Variants in RNH1 observed in about 807,000 individuals in gnomAD.
RNH1 encodes ribonuclease inhibitor.
A neutral mutation model predicts 46.1 loss-of-function variants in RNH1; 38 were observed. The observed-to-expected ratio is 0.82, with a 90% CI of 0.64 to 1.08. The LOEUF is 1.08. Among genes scored for constraint, RNH1 ranks in the 50% least tolerant of loss-of-function variants. The probability of loss-of-function intolerance (pLI) is 0.00; values close to 1 mark genes in which losing one functional copy is unlikely to be tolerated. For missense variants in RNH1, 577 were observed against 590.7 expected, an observed-to-expected ratio of 0.98 and a Z score of 0.24; for synonymous variants, 319 against 279.1, an observed-to-expected ratio of 1.14 and a Z score of -1.43.
chr11:500,766 G>A, intron 3 of RNH1, 112 bp from the exon 4 acceptor site: 3 of 1,107,854 alleles, frequency 2.7e-6, no homozygotes, highest in Non-Finnish European at 4.0e-6. Flanking sequence ...AGACAGCAAG[G>A]CAAGTCACAC....
At position 498,841 on chromosome 11, in the gene RNH1, C is replaced by T; in HGVS notation, c.707G>A (p.Ser236Asn). Residue 236 changes from serine to asparagine, a missense_variant, in exon 7 of 11, where the codon AGC becomes AAC. By Grantham distance (46) the Ser-to-Asn change is conservative. Coordinates refer to ENST00000354420, the MANE Select transcript of RNH1 (RefSeq NM_203387.3). Reference protein sequence around the residue: ...KASLRELALGSNKLGDVGMAE... With the variant: ...KASLRELALGNNKLGDVGMAE... The stretch of plus-strand genomic sequence containing the variant: ...CATGCCCACATCACCCAGCTTGTTG[C>T]TGCCCAGGGCCAGCTCCCGCAGCGA... The T allele has an allele frequency of 1.2e-6, 2 of 1,611,090 alleles. No homozygotes were observed. The highest frequency in any genetic ancestry group is 2.2e-5 in the East Asian group (1 of 44,858).
chr11:495,711 C>T (rs1848993677), intron 9 of RNH1, among the ~76,000 whole-genome samples: 1 of 152,186 alleles, frequency 6.6e-6, no homozygotes, highest in Non-Finnish European at 1.5e-5. Flanking sequence ...ATCTGGAACA[C>T]CCACAAGGTC....
Position 499,864 on chromosome 11 carries a change from T to C in RNH1, c.408A>G (p.Gly136=). ...GDAGLQLLCE[G]LLDPQCRLEK... Reference sequence around the variant, plus strand: ...CCAGGCGGCACTGGGGGTCCAGGAGTCCTTCGCAGAGCAGCTGCAGGCCCG... The same window carrying C: ...CCAGGCGGCACTGGGGGTCCAGGAGCCCTTCGCAGAGCAGCTGCAGGCCCG... Residue 136 remains glycine (G), a synonymous_variant, in exon 5 of 11, where the codon GGA becomes GGG. Transcript: ENST00000354420. 2.5e-6 allele frequency: 4 copies of C among 1,612,078 alleles called. No individual in the cohort carries two copies. The highest frequency in any genetic ancestry group is 3.4e-6 in the Non-Finnish European group (4 of 1,179,312).
chr11:499,910 C>A lies in RNH1; in HGVS notation c.362G>T (p.Ser121Ile), dbSNP rs774988882. ...GCCCGCATCCCCCAAGAGGTTGTCG[C>A]TGAGGTGCAGCTCCTGCAGGGTGGG... ...TLPTLQELHLSDNLLGDAGLQ... is the reference protein window; with the variant it reads ...TLPTLQELHLIDNLLGDAGLQ... Residue 121 changes from serine to isoleucine, a missense_variant, in exon 5 of 11, where the codon AGC (serine) becomes ATC (isoleucine). Coordinates refer to ENST00000354420, the MANE Select transcript of RNH1 (RefSeq NM_203387.3). 1.9e-6 allele frequency: 3 copies of A among 1,613,168 alleles called. No homozygotes were observed. In the South Asian group the frequency reaches 3.3e-5, roughly 18 times the overall value.
chr11:500,625 C>G lies in RNH1; in HGVS notation c.131G>C (p.Arg44Pro). 3 of 1,607,784 alleles carry G rather than the reference C, an allele frequency of 1.9e-6. No homozygotes were observed. In the South Asian group the frequency reaches 3.3e-5, roughly 18 times the overall value. Residue 44 changes from arginine to proline, a missense_variant, in exon 4 of 11, where the codon CGG becomes CCG. By Grantham distance (103) the Arg-to-Pro change is moderately radical. Transcript: ENST00000354420. The stretch of plus-strand genomic sequence containing the variant: ...AAGTGCAGAGCTGATGTCCTTGCAC[C>G]GTGCTTCCGTGAGGCCACAGTCGTC... ...RLDDCGLTEA[R>P]CKDISSALRV... is the part of the protein sequence containing the mutation.
At chr11:505,257 A>AT (rs1850163312) in intron 1 of RNH1, 1 of 152,164 alleles carries the variant, frequency 6.6e-6, no homozygotes, top group African/African-American at 2.4e-5. Context: ...TCGACAGTAC[A>AT]TTTTTTAAAA....
chr11:495,672 A>G (rs940474281), intron 9 of RNH1, among the ~76,000 whole-genome samples: 3 of 152,216 alleles, frequency 2.0e-5, no homozygotes, highest in Admixed American at 6.5e-5. Flanking sequence ...ACAAGTCTGC[A>G]GTGACCAGGA....
intron 9 of RNH1, among the ~76,000 whole-genome samples, chr11:497,103 A>G (rs1258850666): frequency 3.9e-5 from 5 of 128,056 alleles, no homozygotes; most frequent in Non-Finnish European, 8.2e-5. Context: ...CCCATGTGCC[A>G]CACTCACGTG....
At chr11:498,310 A>G in intron 8 of RNH1, 147 bp downstream of exon 8, 1 of 1,269,840 alleles carries the variant, frequency 7.9e-7, no homozygotes, top group South Asian at 1.4e-5. Context: ...TTCCCATCAA[A>G]CCACAGGCTG....
At chr11:496,074 A>T (rs920117027) in intron 9 of RNH1, among the ~76,000 whole-genome samples, 4 of 152,178 alleles carry the variant, frequency 2.6e-5, no homozygotes, top group Non-Finnish European at 5.9e-5. Flanking sequence ...TGGGCACACC[A>T]AAAAAGAAAC....
At chr11:498,970 C>T (rs1849439503) in intron 6 of RNH1, 37 bp from the exon 7 acceptor site, 1 of 1,610,916 alleles carries the variant, frequency 6.2e-7, no homozygotes. Flanking sequence ...AGCACGGGAC[C>T]CCCCCTAGCC....
chr11:502,619 C>T lies in RNH1; in HGVS notation c.-87-370G>A, dbSNP rs754444752. ...GCAGGGGAGCAAGGGGGTCTGTGGG[C>T]TTGACCTGTGTCTCACCCTCAGGAC... is the stretch of plus-strand genomic sequence containing the variant. On this transcript the variant is annotated intron_variant, in intron 2 of 10. Coordinates refer to ENST00000354420, the MANE Select transcript of RNH1 (RefSeq NM_203387.3). This position sits in a 1 kb window ranked among gnomAD's most constrained non-coding sequence, Gnocchi z 5.8. 12 of 209,900 alleles carry T rather than the reference C, an allele frequency of 5.7e-5. No homozygotes were observed. Among genetic ancestry groups the T allele is most frequent in the Non-Finnish European group, 6.9e-5 (7 of 100,944 alleles). 13.0% of individuals were successfully genotyped at this position (209,900 alleles called of 1,614,324 possible).
chr11:501,836 G>GGCCCGCCCACCTCA lies in RNH1; in HGVS notation c.101+212_101+225dup, dbSNP rs1008505881. 16 of 556,084 alleles carry GGCCCGCCCACCTCA rather than the reference G, an allele frequency of 2.9e-5. No individual in the cohort carries two copies. Among genetic ancestry groups the GGCCCGCCCACCTCA allele is most frequent in the Admixed American group, 6.2e-5 (2 of 32,060 alleles). 34.4% of individuals were successfully genotyped at this position (556,084 alleles called of 1,614,324 possible). ...CCACTGGCCAGTGGCCGCCCACCTC[G>GGCCCGCCCACCTCA]GCCCGCCCACCTCAGCCCATGCTGC... On this transcript the variant is annotated intron_variant, in intron 3 of 10. Transcript: ENST00000354420. This position sits in a 1 kb window ranked among gnomAD's most constrained non-coding sequence, Gnocchi z 4.1.
At chr11:497,663 TCACA>T (rs936150498) in intron 9 of RNH1, among the ~76,000 whole-genome samples, 10 of 126,378 alleles carry the variant, frequency 7.9e-5, no homozygotes, top group Admixed American at 2.5e-4. Context: ...ACCCATGTGC[TCACA>T]CACACGTGCT....
At chr11:504,169 C>T (rs1388256259) in intron 2 of RNH1, among the ~76,000 whole-genome samples, 1 of 152,176 alleles carries the variant, frequency 6.6e-6, no homozygotes, top group East Asian at 1.9e-4. Context: ...CGTCTGGAGG[C>T]CAATTCAGGT....
Position 498,442 on chromosome 11 carries a change from G to T in RNH1, c.956+15C>A. 1 of 1,610,320 alleles carries T rather than the reference G, an allele frequency of 6.2e-7. No homozygotes were observed. The highest frequency in any genetic ancestry group is 8.5e-7 in the Non-Finnish European group (1 of 1,179,564). ...CTCTTGGGCGACAGGGCCCTGCCCC[G>T]ACAGCCACACTCACCACAGCGACTC... is the stretch of plus-strand genomic sequence containing the variant. On this transcript the variant is annotated intron_variant, in intron 8 of 10. Coordinates refer to ENST00000354420, the MANE Select transcript of RNH1 (RefSeq NM_203387.3).
chr11:505,298 TA>T (rs1850168402), intron 1 of RNH1: 1 of 152,234 alleles, frequency 6.6e-6, no homozygotes, highest in Non-Finnish European at 1.5e-5. Flanking sequence ...GTCCACCTCC[TA>T]ATCTCCAAAC....
intron 9 of RNH1, 82 bp downstream of exon 9, chr11:497,871 CACTCGTGCTCACACAGAT>C: frequency 7.1e-7 from 1 of 1,406,960 alleles, no homozygotes; most frequent in South Asian, 1.3e-5. Context: ...TACACACGGA[CACTCGTGCTCACACAGAT>C]ACTCGTGCAC....
intron 1 of RNH1, chr11:505,336 G>A (rs1042955006): frequency 4.6e-5 from 7 of 152,198 alleles, no homozygotes; most frequent in African/African-American, 7.2e-5. Context: ...AGTGGCAAAA[G>A]GGACTTTGCA....
Sources: gnomAD v4.1 joint callset for allele counts (sites outside exome capture counted in the v4.1 genomes callset) on GRCh38, gnomAD v4.1.1 for gene constraint, Gnocchi (gnomAD v3.1) non-coding constraint, MANE v1.5 for transcripts, NCBI Gene and HGNC (gene_info 2026-07-23, HGNC 2026-07-21) for gene names.